Variants in PREX1 observed in about 807,000 individuals in gnomAD.
The protein encoded by PREX1 is phosphatidylinositol 3,4,5-trisphosphate-dependent Rac exchanger 1 protein.
A neutral mutation model predicts 198.3 loss-of-function variants in PREX1; 41 were observed. The ratio of observed to expected loss-of-function variants is 0.21; its 90% CI spans 0.16 to 0.27. The LOEUF (loss-of-function observed/expected upper bound fraction) is 0.27, where lower values mean the gene tolerates loss of function less well. Among genes scored for constraint, PREX1 ranks in the 10% least tolerant of loss-of-function variants. PREX1 has a pLI of 1.00. For synonymous variants in PREX1, 843 were observed against 887.2 expected, an observed-to-expected ratio of 0.95 and a Z score of 0.89; for missense variants, 1,620 against 2,200.7, an observed-to-expected ratio of 0.74 and a Z score of 5.28.
At chr20:48,858,320 C>A in the PREX1 span, among the ~76,000 whole-genome samples, 1 of 152,202 alleles carries the variant, frequency 6.6e-6, no homozygotes, top group Non-Finnish European at 1.5e-5. Context: ...CTCCCACAGC[C>A]CTGATTTCCC....
At chr20:48,873,725 A>C in the PREX1 span, among the ~76,000 whole-genome samples, 2 of 152,096 alleles carry the variant, frequency 1.3e-5, no homozygotes, top group Admixed American at 1.3e-4. Context: ...TGTCTCAAAA[A>C]AAATAAATAA....
chr20:48,722,789 C>T (rs542273518), intron 5 of PREX1, among the ~76,000 whole-genome samples: 33 of 152,348 alleles, frequency 2.2e-4, no homozygotes, highest in African/African-American at 7.5e-4. Flanking sequence ...TGTCCCCTGC[C>T]ACACACTCCA....
At chr20:48,724,118 G>C (rs1311845461) in intron 5 of PREX1, among the ~76,000 whole-genome samples, 1 of 152,190 alleles carries the variant, frequency 6.6e-6, no homozygotes, top group Non-Finnish European at 1.5e-5. Flanking sequence ...CACTTTGGCA[G>C]TTTAACTCCC....
intron 3 of PREX1, among the ~76,000 whole-genome samples, chr20:48,742,178 T>C (rs1010391890): frequency 6.6e-6 from 1 of 152,146 alleles, no homozygotes; most frequent in African/African-American, 2.4e-5. Context: ...GGGCTCATGA[T>C]AGATCGCCTG....
chr20:48,775,027 T>C (rs2090254522), intron 1 of PREX1, among the ~76,000 whole-genome samples: 1 of 152,162 alleles, frequency 6.6e-6, no homozygotes. Flanking sequence ...GCCTCAGCTT[T>C]GGGGAAACAG....
At position 48,634,817 on chromosome 20, in the gene PREX1, C is replaced by T. The variant is rs144812024; in HGVS notation, c.4168-42G>A. ...GCGCGGAGGAGTCTCAGATGCCAAC[C>T]CTGCCCCAGGGTTTCCTATCAAGAT... is the stretch of plus-strand genomic sequence containing the variant. On this transcript the variant is annotated intron_variant, in intron 32 of 39. Transcript: ENST00000371941. 3.2e-6 allele frequency: 5 copies of T among 1,565,988 alleles called. No homozygotes were observed. The African/African-American group carries it at 5.4e-5, about 17-fold the overall frequency.
chr20:48,840,808 G>A, the PREX1 span, among the ~76,000 whole-genome samples: 1 of 152,144 alleles, frequency 6.6e-6, no homozygotes, highest in Non-Finnish European at 1.5e-5. Context: ...GCTTACAATT[G>A]CAAATCCCCT....
the PREX1 span, among the ~76,000 whole-genome samples, chr20:48,845,183 A>T: frequency 1.3e-5 from 2 of 152,212 alleles, no homozygotes; most frequent in Non-Finnish European, 2.9e-5. Flanking sequence ...TAACACAGTG[A>T]CTAAGACAAA....
At chr20:48,849,240 T>C in the PREX1 span, among the ~76,000 whole-genome samples, 1 of 152,176 alleles carries the variant, frequency 6.6e-6, no homozygotes, top group African/African-American at 2.4e-5. Flanking sequence ...TTTCTATAGA[T>C]ATATATATAC....
intron 1 of PREX1, among the ~76,000 whole-genome samples, chr20:48,808,011 G>T (rs978994207): frequency 5.9e-5 from 9 of 152,106 alleles, no homozygotes; most frequent in African/African-American, 2.2e-4. Context: ...CCTCATTTCT[G>T]AAATGGATTT....
chr20:48,682,853 C>T (rs1396946765), intron 10 of PREX1, among the ~76,000 whole-genome samples: 1 of 152,232 alleles, frequency 6.6e-6, no homozygotes, highest in African/African-American at 2.4e-5. Flanking sequence ...TGGCCAGAGC[C>T]TGAGCACCCT....
intron 15 of PREX1, among the ~76,000 whole-genome samples, chr20:48,661,322 G>A (rs1182918519): frequency 6.8e-6 from 1 of 147,640 alleles, no homozygotes; most frequent in Non-Finnish European, 1.5e-5. Context: ...GCAAGGCTGA[G>A]GCAGGAGAAC....
the PREX1 span, among the ~76,000 whole-genome samples, chr20:48,848,753 G>T: frequency 6.6e-6 from 1 of 152,042 alleles, no homozygotes. Context: ...TTTTAGGGGG[G>T]GTGGTTGGAG....
At chr20:48,834,628 C>T in the PREX1 span, among the ~76,000 whole-genome samples, 1 of 152,060 alleles carries the variant, frequency 6.6e-6, no homozygotes, top group Non-Finnish European at 1.5e-5. Flanking sequence ...GGCACAATCA[C>T]AGCTCACTGC....
At chr20:48,872,768 T>C in the PREX1 span, among the ~76,000 whole-genome samples, 1 of 151,726 alleles carries the variant, frequency 6.6e-6, no homozygotes, top group Non-Finnish European at 1.5e-5. Flanking sequence ...AATAAATAAA[T>C]AAATAACAAA....
intron 31 of PREX1, among the ~76,000 whole-genome samples, 198 bp downstream of exon 31, chr20:48,637,513 G>C (rs6019337): frequency 6.6e-6 from 1 of 152,254 alleles, no homozygotes; most frequent in African/African-American, 2.4e-5. Context: ...CAGTGGCACA[G>C]GACAGGGCTC....
At chr20:48,661,468 T>TATACACAC (rs1373152651) in intron 15 of PREX1, among the ~76,000 whole-genome samples, 4 of 76,806 alleles carry the variant, frequency 5.2e-5, no homozygotes, top group African/African-American at 4.0e-4. Flanking sequence ...TATATATATA[T>TATACACAC]ACACACACAT....
chr20:48,762,814 T>C (rs1015302363), intron 1 of PREX1, among the ~76,000 whole-genome samples: 2 of 151,958 alleles, frequency 1.3e-5, no homozygotes, highest in South Asian at 4.2e-4. Flanking sequence ...GCGATTCTTC[T>C]GCCTCAACCT....
intron 5 of PREX1, among the ~76,000 whole-genome samples, chr20:48,711,511 T>G (rs2123095040): frequency 6.6e-6 from 1 of 152,090 alleles, no homozygotes; most frequent in Non-Finnish European, 1.5e-5. Context: ...CCGCCCCAGG[T>G]TCTACCCATC....
Sources: allele counts gnomAD v4.1 joint callset (sites outside exome capture counted in the v4.1 genomes callset), GRCh38; gene constraint gnomAD v4.1.1; transcripts MANE v1.5; gene names NCBI Gene and HGNC (gene_info 2026-07-23, HGNC 2026-07-21).